Variants in ESCO1 observed in about 807,000 individuals in gnomAD.
ESCO1 encodes the protein establishment of sister chromatid cohesion N-acetyltransferase 1, also known as N-acetyltransferase ESCO1.
A neutral mutation model predicts 83.5 loss-of-function variants in ESCO1; 33 were observed. The observed-to-expected ratio is 0.40, with a 90% CI of 0.30 to 0.53. The LOEUF (loss-of-function observed/expected upper bound fraction) is 0.53. ESCO1 is among the 20% of genes least tolerant of loss of function. ESCO1 has a pLI of 0.63. For synonymous variants in ESCO1, 332 were observed against 324.3 expected (o/e 1.02, Z -0.25); for missense variants, 855 against 968.0 (o/e 0.88, Z 1.55).
At chr18:21,575,500 GA>G (rs1225561330) in intron 3 of ESCO1, 70 bp from the exon 4 acceptor site, 1 of 398,054 alleles carries the variant, frequency 2.5e-6, no homozygotes, top group Non-Finnish European at 4.4e-6. Context: ...ATACTACACA[GA>G]AATAACCTTG....
At position 21,586,688 on chromosome 18, in the gene ESCO1, AAG is replaced by A. The variant is rs550343009; in HGVS notation, c.-824-2250_-824-2249del. 1.8e-4 allele frequency among the ~76,000 whole-genome samples: 28 copies of A among 152,276 alleles called. No homozygotes were observed. The South Asian group carries it at 4.4e-3, about 24-fold the overall frequency. ...TACAGGTAAGATCATGTCATCTGCAAAGAGAGAGAGTTTTACTGCTTCCTTTC... is the reference window on the plus strand; with the variant it reads ...TACAGGTAAGATCATGTCATCTGCAAAGAGAGAGTTTTACTGCTTCCTTTC... On this transcript the variant is annotated intron_variant, in intron 1 of 11. Transcript: ENST00000269214.
In ESCO1 at chr18:21,591,557, T is replaced by C. The variant is rs181890238; in HGVS notation, c.-824-7117A>G. 1.9e-4 allele frequency among the ~76,000 whole-genome samples: 29 copies of C among 152,360 alleles called. No homozygotes were observed. The East Asian group carries it at 4.4e-3, about 23-fold the overall frequency. On this transcript the variant is annotated intron_variant, in intron 1 of 11. Coordinates refer to ENST00000269214, the MANE Select transcript of ESCO1 (RefSeq NM_052911.3). The stretch of plus-strand genomic sequence containing the variant: ...TCTGCTATCAAACTTTCTTTCTTCA[T>C]TGTTGTATTCCTACTGATCACCAGA...
chr18:21,570,647 C>A (rs1159195170), intron 4 of ESCO1, among the ~76,000 whole-genome samples: 2 of 152,162 alleles, frequency 1.3e-5, no homozygotes, highest in Admixed American at 1.3e-4. Context: ...TTTAGGAGCA[C>A]ATTTTAACTA....
intron 8 of ESCO1, among the ~76,000 whole-genome samples, chr18:21,560,453 T>A (rs1425070570): frequency 6.6e-6 from 1 of 151,866 alleles, no homozygotes; most frequent in East Asian, 1.9e-4. Flanking sequence ...CCAAACAACC[T>A]ACTTGGTATA....
chr18:21,530,430 A>T lies in ESCO1; in HGVS notation c.2436T>A (p.Thr812=). 1 of 1,530,176 alleles carries T rather than the reference A, an allele frequency of 6.5e-7. No individual in the cohort carries two copies. The highest frequency in any genetic ancestry group is 1.1e-5 in the South Asian group (1 of 89,674). 94.8% of individuals were successfully genotyped at this position (1,530,176 alleles called of 1,614,324 possible). The change falls in exon 12 of 12, where the codon ACT becomes ACA. Residue 812 remains threonine (T), a synonymous_variant. Transcript: ENST00000269214. The part of the protein sequence containing the change: ...SKEEIAFSDP[T]PDGKLFATQY... ...GTGTTGCAAACAGCTTTCCATCAGG[A>T]GTGGGATCTGAGAAAGCAATTTCTT...
chr18:21,574,927 T>G lies in ESCO1; in HGVS notation c.-84A>C. 1 of 1,040,818 alleles carries G rather than the reference T, an allele frequency of 9.6e-7. No individual in the cohort carries two copies. The highest frequency in any genetic ancestry group is 1.4e-6 in the Non-Finnish European group (1 of 737,840). 64.5% of individuals were successfully genotyped at this position (1,040,818 alleles called of 1,614,324 possible). A position where few individuals can be genotyped will look rare whatever the true frequency, so the allele number is the denominator to read the frequency against. On this transcript the variant is annotated 5_prime_UTR_variant, in exon 4 of 12. Transcript: ENST00000269214. ...GGCGTGAATGCTGACTAGCTAGTAT[T>G]ATTACTGAGGAGCAGGTCTGAAAAA...
At chr18:21,531,142 C>CA (rs892143031) in intron 11 of ESCO1, among the ~76,000 whole-genome samples, 11 of 152,028 alleles carry the variant, frequency 7.2e-5, no homozygotes, top group African/African-American at 1.9e-4. Context: ...ATAATAACAT[C>CA]AAAAAAAATT....
chr18:21,567,747 CA>C (rs34457036), intron 5 of ESCO1, among the ~76,000 whole-genome samples: 2 of 152,118 alleles, frequency 1.3e-5, no homozygotes, highest in African/African-American at 4.8e-5. Context: ...GTTTAAAAAA[CA>C]AAAGAACTTT....
chr18:21,566,453 T>C (rs1185225861), intron 5 of ESCO1, among the ~76,000 whole-genome samples: 1 of 152,252 alleles, frequency 6.6e-6, no homozygotes, highest in Non-Finnish European at 1.5e-5. Context: ...AGCTTGCCTC[T>C]AATTTAACCA....
intron 1 of ESCO1, among the ~76,000 whole-genome samples, chr18:21,586,061 G>A (rs554228290): frequency 6.6e-6 from 1 of 152,130 alleles, no homozygotes; most frequent in African/African-American, 2.4e-5. Flanking sequence ...ATCTCTTCTA[G>A]TTATTTTGAA....
At position 21,573,158 on chromosome 18, in the gene ESCO1, A is replaced by G. The variant is rs574876027; in HGVS notation, c.1530+156T>C. ...GTGAGACATCTGAAGTTCTATCACA[A>G]GACTGGGTTAATAAAACTCTCGCTA... On this transcript the variant is annotated intron_variant, in intron 4 of 11. Coordinates refer to ENST00000269214, the MANE Select transcript of ESCO1 (RefSeq NM_052911.3). Among the ~76,000 whole-genome samples, 10 of 152,348 alleles carry G rather than the reference A, an allele frequency of 6.6e-5. No homozygotes were observed. In the South Asian group the frequency reaches 1.9e-3, roughly 28 times the overall value.
At chr18:21,581,160 A>G (rs1267883903) in intron 2 of ESCO1, among the ~76,000 whole-genome samples, 1 of 152,006 alleles carries the variant, frequency 6.6e-6, no homozygotes. Context: ...AAAATACAAA[A>G]AAATTATCTG....
intron 8 of ESCO1, among the ~76,000 whole-genome samples, chr18:21,552,604 T>A (rs1195297034): frequency 6.6e-6 from 1 of 152,194 alleles, no homozygotes; most frequent in Non-Finnish European, 1.5e-5. Context: ...CAGTTCTTTA[T>A]AGCAGCGTGA....
chr18:21,570,871 G>A (rs2038330829), intron 4 of ESCO1, among the ~76,000 whole-genome samples: 1 of 152,034 alleles, frequency 6.6e-6, no homozygotes, highest in Non-Finnish European at 1.5e-5. Flanking sequence ...CAGCTACTCA[G>A]GAGGCTGAGG....
At chr18:21,585,357 C>T (rs952910431) in intron 1 of ESCO1, among the ~76,000 whole-genome samples, 2 of 152,052 alleles carry the variant, frequency 1.3e-5, no homozygotes, top group African/African-American at 2.4e-5. Context: ...ATCGTCTTGG[C>T]CACCTGACTT....
intron 2 of ESCO1, among the ~76,000 whole-genome samples, chr18:21,578,289 G>T (rs944240714): frequency 6.6e-6 from 1 of 151,924 alleles, no homozygotes; most frequent in East Asian, 1.9e-4. Context: ...ATACAAAAAA[G>T]AACTCCTGAA....
chr18:21,582,375 G>A (rs1032208134), intron 2 of ESCO1, among the ~76,000 whole-genome samples: 12 of 151,978 alleles, frequency 7.9e-5, no homozygotes, highest in Non-Finnish European at 1.6e-4. Context: ...GATTACAGGT[G>A]CACACCACCA....
chr18:21,583,744 A>T (rs1318933560), intron 2 of ESCO1, among the ~76,000 whole-genome samples: 1 of 152,202 alleles, frequency 6.6e-6, no homozygotes, highest in Non-Finnish European at 1.5e-5. Flanking sequence ...AGAGAGGGAG[A>T]TTAACTTTTG....
Position 21,592,450 on chromosome 18 carries a change from G to A in ESCO1, c.-824-8010C>T, listed in dbSNP as rs867841466. ...GGGCTGACCCCCCCACCTCCCTCCC[G>A]GATGGGGCGGCTGGCCGGGCAGAGA... On this transcript the variant is annotated intron_variant, in intron 1 of 11. Coordinates refer to ENST00000269214, the MANE Select transcript of ESCO1 (RefSeq NM_052911.3). Among the ~76,000 whole-genome samples the A allele has an allele frequency of 5.7e-3, 829 of 144,598 alleles. 8 individuals are homozygous for A. Among genetic ancestry groups the A allele is most frequent in the African/African-American group, 0.02 (784 of 38,474 alleles). 94.9% of individuals were successfully genotyped at this position (144,598 alleles called of 152,430 possible). A position where few individuals can be genotyped will look rare whatever the true frequency, so the allele number is the denominator to read the frequency against.
Sources: allele counts gnomAD v4.1 joint callset (sites outside exome capture counted in the v4.1 genomes callset), GRCh38; gene constraint gnomAD v4.1.1; transcripts MANE v1.5; gene names NCBI Gene and HGNC (gene_info 2026-07-23, HGNC 2026-07-21).